Variants in IFTAP observed in about 807,000 individuals in gnomAD.
IFTAP encodes the protein intraflagellar transport-associated protein.
Under a neutral mutation model 19.4 loss-of-function variants are expected in IFTAP, and 19 were observed. The ratio of observed to expected loss-of-function variants is 0.98; its 90% CI spans 0.68 to 1.44. The LOEUF is 1.44. Ranked by LOEUF, IFTAP falls within the 40% of genes most tolerant of loss-of-function variation. The pLI is 0.00. For missense variants in IFTAP, 240 were observed against 253.6 expected, an observed-to-expected ratio of 0.95 and a Z score of 0.36; for synonymous variants, 85 against 83.5, an observed-to-expected ratio of 1.02 and a Z score of -0.10.
At chr11:36,610,325 CTATT>C (rs913376917) in intron 2 of IFTAP, 86 bp downstream of exon 2, 7 of 1,226,232 alleles carry the variant, frequency 5.7e-6, no homozygotes, top group South Asian at 1.5e-5. Context: ...TTGAGAAAGA[CTATT>C]TAGTGAACAT....
intron 2 of IFTAP, among the ~76,000 whole-genome samples, chr11:36,623,731 C>G (rs1852396296): frequency 6.6e-6 from 1 of 152,150 alleles, no homozygotes; most frequent in African/African-American, 2.4e-5. Context: ...CTAGGGAGAC[C>G]ACACAGGCTG....
At chr11:36,613,998 A>C (rs1005461895) in intron 2 of IFTAP, among the ~76,000 whole-genome samples, 1 of 151,514 alleles carries the variant, frequency 6.6e-6, no homozygotes, top group Non-Finnish European at 1.5e-5. Context: ...TACATGTGCC[A>C]TGCTGGTGCA....
intron 2 of IFTAP, among the ~76,000 whole-genome samples, chr11:36,622,089 TA>T (rs147783549): frequency 0.13 from 18,662 of 141,126 alleles, 1,936 homozygotes; most frequent in East Asian, 0.54. Flanking sequence ...TTCTATTTTT[TA>T]TTTTTTTTTT....
chr11:36,646,454 C>T (rs1421807658), intron 4 of IFTAP, among the ~76,000 whole-genome samples: 2 of 152,144 alleles, frequency 1.3e-5, no homozygotes, highest in Admixed American at 1.3e-4. Flanking sequence ...GAAAACCAGT[C>T]TTCCCACCAA....
intron 3 of IFTAP, among the ~76,000 whole-genome samples, 174 bp from the exon 4 acceptor site, chr11:36,635,877 G>A (rs548468324): frequency 6.6e-6 from 1 of 152,264 alleles, no homozygotes; most frequent in Admixed American, 6.5e-5. Flanking sequence ...TCTTTCAGAT[G>A]TCTCTTGGGA....
At chr11:36,640,717 C>CT (rs1420385883) in intron 4 of IFTAP, among the ~76,000 whole-genome samples, 3 of 152,266 alleles carry the variant, frequency 2.0e-5, no homozygotes, top group African/African-American at 7.2e-5. Flanking sequence ...GTACTGTGAG[C>CT]TTGACAGCTT....
chr11:36,611,004 G>A (rs1190944108), intron 2 of IFTAP, among the ~76,000 whole-genome samples: 1 of 152,080 alleles, frequency 6.6e-6, no homozygotes, highest in East Asian at 1.9e-4. Flanking sequence ...ATCTTGATTT[G>A]TGTTTTTTTT....
chr11:36,606,699 C>A (rs937010396), intron 1 of IFTAP, among the ~76,000 whole-genome samples: 2 of 152,214 alleles, frequency 1.3e-5, no homozygotes, highest in Admixed American at 1.3e-4. Context: ...ATGGAAACCA[C>A]AACCTGGCTG....
At position 36,650,544 on chromosome 11, in the gene IFTAP, C is replaced by CTTT. The variant is rs11378736; in HGVS notation, c.498+2399_498+2401dup. 6.0e-3 allele frequency among the ~76,000 whole-genome samples: 852 copies of CTTT among 141,156 alleles called. 12 individuals carry two copies. Among genetic ancestry groups the CTTT allele is most frequent in the African/African-American group, 0.022 (826 of 38,170 alleles). 92.6% of individuals were successfully genotyped at this position (141,156 alleles called of 152,430 possible). ...TTTTTCCCTAATTTTACCACTGGTT[C>CTTT]TTTTTTTTTTTTCCAAAAAAAAAAT... is the stretch of plus-strand genomic sequence containing the variant. On this transcript the variant is annotated intron_variant, in intron 5 of 5. Transcript: ENST00000334307.
chr11:36,654,584 C>T (rs1285790919), intron 5 of IFTAP, among the ~76,000 whole-genome samples: 1 of 152,170 alleles, frequency 6.6e-6, no homozygotes. Context: ...TAGTTCTTCC[C>T]AGCCTACATA....
chr11:36,603,167 C>T (rs1851570257), intron 1 of IFTAP, among the ~76,000 whole-genome samples: 1 of 152,140 alleles, frequency 6.6e-6, no homozygotes, highest in Admixed American at 6.5e-5. Context: ...ATACAATCTG[C>T]TGGTGAACAG....
At chr11:36,624,760 G>C (rs1392224470) in intron 2 of IFTAP, among the ~76,000 whole-genome samples, 1 of 152,048 alleles carries the variant, frequency 6.6e-6, no homozygotes, top group Non-Finnish European at 1.5e-5. Context: ...GTGTCATCCT[G>C]GACCATGTGG....
intron 2 of IFTAP, 52 bp from the exon 3 acceptor site, chr11:36,633,232 C>G: frequency 7.3e-7 from 1 of 1,378,522 alleles, no homozygotes; most frequent in South Asian, 2.0e-5. Flanking sequence ...ACAAAATAAA[C>G]CAGACTTGGT....
chr11:36,626,252 C>A (rs1852507789), intron 2 of IFTAP, among the ~76,000 whole-genome samples: 1 of 151,298 alleles, frequency 6.6e-6, no homozygotes, highest in Non-Finnish European at 1.5e-5. Flanking sequence ...TTTGGCTTTG[C>A]AGTGAAATCC....
chr11:36,596,333 G>T lies in IFTAP; in HGVS notation c.-24+1741G>T, dbSNP rs73455540. On this transcript the variant is annotated intron_variant, in intron 1 of 5. Transcript: ENST00000334307. ...CTACTTGGGAGACTCGTAAGGGGGT[G>T]ATCTTTCAACAATTATCTGGTGGGT... 9.3e-3 allele frequency among the ~76,000 whole-genome samples: 1,414 copies of T among 151,336 alleles called. 20 individuals are homozygous for T. The highest frequency in any genetic ancestry group is 0.033 in the African/African-American group (1,346 of 41,174).
At chr11:36,641,580 G>A (rs1206049811) in intron 4 of IFTAP, among the ~76,000 whole-genome samples, 1 of 152,132 alleles carries the variant, frequency 6.6e-6, no homozygotes, top group African/African-American at 2.4e-5. Flanking sequence ...GTAGTTGAGC[G>A]GTTTTGAGTG....
chr11:36,650,114 C>T (rs1853652321), intron 5 of IFTAP, among the ~76,000 whole-genome samples: 1 of 152,078 alleles, frequency 6.6e-6, no homozygotes, highest in Non-Finnish European at 1.5e-5. Context: ...ACCAACACTG[C>T]CTTGGTTTGA....
chr11:36,625,989 G>A (rs957548489), intron 2 of IFTAP, among the ~76,000 whole-genome samples: 10 of 145,610 alleles, frequency 6.9e-5, no homozygotes, highest in East Asian at 5.8e-4. Context: ...CATGAGCAAC[G>A]GTGAAAGGAG....
intron 2 of IFTAP, among the ~76,000 whole-genome samples, chr11:36,629,817 A>G (rs535109499): frequency 1.3e-5 from 2 of 151,298 alleles, no homozygotes; most frequent in East Asian, 3.9e-4. Flanking sequence ...TTGAAATTCC[A>G]TTGCTTCAGA....
Sources: allele counts gnomAD v4.1 joint callset (sites outside exome capture counted in the v4.1 genomes callset), GRCh38; gene constraint gnomAD v4.1.1; transcripts MANE v1.5; gene names NCBI Gene and HGNC (gene_info 2026-07-23, HGNC 2026-07-21).